FAM13A: variants seen among roughly 807,000 people sequenced by gnomAD.
FAM13A encodes family with sequence similarity 13 member A.
FAM13A carries 76 observed loss-of-function variants against 129.6 expected under a neutral mutation model. That is an observed-to-expected ratio of 0.59 (90% CI 0.49 to 0.71). The LOEUF (loss-of-function observed/expected upper bound fraction) is 0.71, where lower values mean the gene tolerates loss of function less well. Among genes scored for constraint, FAM13A ranks in the 30% least tolerant of loss-of-function variants. FAM13A has a pLI of 0.00. For synonymous variants in FAM13A, 443 were observed against 449.9 expected, an observed-to-expected ratio of 0.98 and a Z score of 0.20; for missense variants, 1,108 against 1,249.3, an observed-to-expected ratio of 0.89 and a Z score of 1.70.
chr4:88,903,280 T>C (rs1450297215), intron 6 of FAM13A, among the ~76,000 whole-genome samples: 3 of 151,060 alleles, frequency 2.0e-5, no homozygotes, highest in African/African-American at 4.8e-5. Context: ...GAACCAAACA[T>C]ACAAGACAAG....
intron 1 of FAM13A, among the ~76,000 whole-genome samples, chr4:89,056,562 G>T (rs1351556864): frequency 6.6e-6 from 1 of 152,086 alleles, no homozygotes; most frequent in African/African-American, 2.4e-5. Flanking sequence ...TAAATTAATG[G>T]TTACTTCAAT....
chr4:88,962,871 T>A (rs536853419), intron 4 of FAM13A, among the ~76,000 whole-genome samples: 1 of 152,304 alleles, frequency 6.6e-6, no homozygotes, highest in East Asian at 1.9e-4. Flanking sequence ...AACAGTGGTA[T>A]AAAGATTAAC....
At chr4:88,766,877 A>G (rs1245273029) in intron 13 of FAM13A, among the ~76,000 whole-genome samples, 3 of 152,208 alleles carry the variant, frequency 2.0e-5, no homozygotes, top group Admixed American at 2.0e-4. Context: ...GATAAGATTG[A>G]AGGTGGAGTT....
intron 8 of FAM13A, among the ~76,000 whole-genome samples, chr4:88,802,117 G>A (rs1031315613): frequency 3.3e-5 from 5 of 152,174 alleles, no homozygotes; most frequent in African/African-American, 1.2e-4. Flanking sequence ...TTGCAGCCTA[G>A]ACTATAAGAG....
chr4:88,958,462 A>G (rs908105398), intron 4 of FAM13A, among the ~76,000 whole-genome samples: 1 of 152,226 alleles, frequency 6.6e-6, no homozygotes, highest in Admixed American at 6.5e-5. Context: ...CATAGCTCAA[A>G]GGAGCCCAGG....
At chr4:89,046,048 A>G (rs1355327580) in intron 1 of FAM13A, among the ~76,000 whole-genome samples, 2 of 150,674 alleles carry the variant, frequency 1.3e-5, no homozygotes, top group Admixed American at 6.6e-5. Context: ...AAGAAAAAAT[A>G]AAAAAAATTA....
At chr4:88,787,614 A>G in intron 10 of FAM13A, 139 bp downstream of exon 10, 1 of 710,700 alleles carries the variant, frequency 1.4e-6, no homozygotes, top group Non-Finnish European at 2.2e-6. Flanking sequence ...GGACAAACTG[A>G]TAACTCTTAA....
At chr4:88,797,216 T>C (rs1561018329) in intron 8 of FAM13A, among the ~76,000 whole-genome samples, 1 of 151,978 alleles carries the variant, frequency 6.6e-6, no homozygotes, top group Non-Finnish European at 1.5e-5. Flanking sequence ...AGTTTTCAGA[T>C]TGGCTTTTCA....
intron 21 of FAM13A, among the ~76,000 whole-genome samples, chr4:88,733,126 G>A (rs1005872576): frequency 6.6e-6 from 1 of 152,224 alleles, no homozygotes; most frequent in Non-Finnish European, 1.5e-5. Context: ...TAAACCAAAT[G>A]GTTTCCATGC....
At position 88,823,154 on chromosome 4, in the gene FAM13A, G is replaced by T. The variant is rs1732368299; in HGVS notation, c.1008-18102C>A. 4.6e-6 allele frequency: 7 copies of T among 1,505,750 alleles called. 1 individual carries two copies. The South Asian group carries it at 9.6e-5, about 21-fold the overall frequency. 93.3% of individuals were successfully genotyped at this position (1,505,750 alleles called of 1,614,324 possible). Reference sequence around the variant, plus strand: ...GGCTGGAGAAACAACTTGCTCTGCAGTTGGCCAGTCTACTGCTGCTCTCAG... The same window carrying T: ...GGCTGGAGAAACAACTTGCTCTGCATTTGGCCAGTCTACTGCTGCTCTCAG... On this transcript the variant is annotated intron_variant, in intron 7 of 23. Coordinates refer to ENST00000264344, the MANE Select transcript of FAM13A (RefSeq NM_014883.4).
intron 7 of FAM13A, among the ~76,000 whole-genome samples, chr4:88,818,810 A>G (rs1358452064): frequency 6.6e-6 from 1 of 152,204 alleles, no homozygotes; most frequent in African/African-American, 2.4e-5. Context: ...AGAGACTTCT[A>G]GATAAATTAA....
intron 6 of FAM13A, among the ~76,000 whole-genome samples, chr4:88,891,850 C>A (rs898313408): frequency 2.0e-5 from 3 of 152,114 alleles, no homozygotes; most frequent in African/African-American, 7.2e-5. Context: ...GTCATAAACC[C>A]AGTAATAAGC....
intron 11 of FAM13A, among the ~76,000 whole-genome samples, chr4:88,778,588 A>G (rs1028404632): frequency 6.6e-6 from 1 of 152,158 alleles, no homozygotes; most frequent in African/African-American, 2.4e-5. Context: ...TCAAGCCATC[A>G]TCATCTCAAA....
At chr4:88,856,775 T>G (rs530014335) in intron 6 of FAM13A, among the ~76,000 whole-genome samples, 23 of 152,344 alleles carry the variant, frequency 1.5e-4, no homozygotes, top group Middle Eastern at 6.8e-3. Flanking sequence ...GTCACTTGTA[T>G]GGAAGATGGC....
At chr4:88,795,564 T>C (rs1725992524) in intron 8 of FAM13A, among the ~76,000 whole-genome samples, 1 of 151,842 alleles carries the variant, frequency 6.6e-6, no homozygotes, top group South Asian at 2.1e-4. Flanking sequence ...ACTGTATCCC[T>C]TTTCCATTTT....
intron 6 of FAM13A, among the ~76,000 whole-genome samples, chr4:88,889,759 T>G (rs1745043399): frequency 6.6e-6 from 1 of 152,142 alleles, no homozygotes; most frequent in South Asian, 2.1e-4. Context: ...ATGAAACCAG[T>G]AGAAGATGGA....
At chr4:88,741,799 A>C (rs905997843) in intron 19 of FAM13A, among the ~76,000 whole-genome samples, 9 of 152,296 alleles carry the variant, frequency 5.9e-5, no homozygotes, top group African/African-American at 2.2e-4. Context: ...ATCTGAAAAA[A>C]TCCAAAATCT....
rs1445473786 is a variant in FAM13A at position 88,921,062 on chromosome 4, A to T, written c.760-14600T>A. Among the ~76,000 whole-genome samples, 13 of 152,314 alleles carry T rather than the reference A, an allele frequency of 8.5e-5. No individual in the cohort carries two copies. The East Asian group carries it at 2.5e-3, about 29-fold the overall frequency. ...AATATGGGACTATGTGAAAAGACCAAATCTACGTCTGATTGGTGTACCTGA... is the reference window on the plus strand; with the variant it reads ...AATATGGGACTATGTGAAAAGACCATATCTACGTCTGATTGGTGTACCTGA... On this transcript the variant is annotated intron_variant, in intron 5 of 23. Transcript: ENST00000264344.
chr4:88,773,384 C>G (rs1721071148), intron 11 of FAM13A, among the ~76,000 whole-genome samples: 1 of 152,212 alleles, frequency 6.6e-6, no homozygotes, highest in Non-Finnish European at 1.5e-5. Context: ...TAATCAGGCT[C>G]TTCCTGCCTC....
Sources: gnomAD v4.1 joint callset for allele counts (sites outside exome capture counted in the v4.1 genomes callset) on GRCh38, gnomAD v4.1.1 for gene constraint, MANE v1.5 for transcripts, NCBI Gene and HGNC (gene_info 2026-07-23, HGNC 2026-07-21) for gene names.